Variants in KCNT2 observed in about 807,000 individuals in gnomAD.
KCNT2 encodes the protein potassium sodium-activated channel subfamily T member 2.
Under a neutral mutation model 153.8 loss-of-function variants are expected in KCNT2, and 67 were observed. That is an observed-to-expected ratio of 0.44 (90% CI 0.36 to 0.53). The LOEUF is 0.53. Ranked by LOEUF, KCNT2 falls within the 20% of genes least tolerant of loss-of-function variation. The probability of loss-of-function intolerance (pLI) is 0.00; values close to 1 mark genes in which losing one functional copy is unlikely to be tolerated. For synonymous variants in KCNT2, 500 were observed against 458.8 expected (o/e 1.09, Z -1.15); for missense variants, 975 against 1,354.8 (o/e 0.72, Z 4.40).
chr1:196,462,467 T>C (rs921113547), intron 8 of KCNT2, among the ~76,000 whole-genome samples: 4 of 151,766 alleles, frequency 2.6e-5, no homozygotes, highest in Non-Finnish European at 5.9e-5. Context: ...TCTGTTAATA[T>C]ATTTTAGGCA....
At chr1:196,457,653 G>A (rs750635866) in intron 8 of KCNT2, among the ~76,000 whole-genome samples, 4 of 151,906 alleles carry the variant, frequency 2.6e-5, no homozygotes, top group Admixed American at 6.6e-5. Context: ...TAGATAGCAC[G>A]CACTTGGTAA....
At chr1:196,402,480 A>T (rs1558247202) in intron 12 of KCNT2, among the ~76,000 whole-genome samples, 1 of 151,620 alleles carries the variant, frequency 6.6e-6, no homozygotes, top group Non-Finnish European at 1.5e-5. Flanking sequence ...ATGAAGCAGT[A>T]AGAATGTGTA....
At chr1:196,394,152 G>C (rs1670722757) in intron 13 of KCNT2, among the ~76,000 whole-genome samples, 1 of 151,524 alleles carries the variant, frequency 6.6e-6, no homozygotes, top group African/African-American at 2.4e-5. Flanking sequence ...TTTGTATCCT[G>C]GTAAAAGAAA....
chr1:196,260,720 A>C (rs1219122415), intron 25 of KCNT2, among the ~76,000 whole-genome samples: 2 of 151,846 alleles, frequency 1.3e-5, no homozygotes, highest in Non-Finnish European at 3.0e-5. Context: ...GGACATAATA[A>C]AAAGTACATT....
chr1:196,558,626 G>C (rs527790612), intron 1 of KCNT2, among the ~76,000 whole-genome samples: 2 of 151,440 alleles, frequency 1.3e-5, no homozygotes, highest in Non-Finnish European at 3.0e-5. Context: ...GTGAGCTTAG[G>C]GTAAGAAGAC....
At chr1:196,359,743 T>C (rs1414318851) in intron 14 of KCNT2, among the ~76,000 whole-genome samples, 1 of 151,900 alleles carries the variant, frequency 6.6e-6, no homozygotes, top group Non-Finnish European at 1.5e-5. Context: ...CATGAAGAGA[T>C]AGAATTTTTG....
At position 196,280,840 on chromosome 1, in the gene KCNT2, A is replaced by C. The variant is rs778677846; in HGVS notation, c.2910+20T>G. The C allele has an allele frequency of 5.0e-5, 80 of 1,604,518 alleles. No individual in the cohort carries two copies. Among genetic ancestry groups the C allele is most frequent in the Middle Eastern group, 1.7e-4 (1 of 6,008 alleles). On this transcript the variant is annotated intron_variant, in intron 25 of 27. Transcript: ENST00000294725. ...CATCAGATTAAACATCAAAACAAGAATATTTTGTTATTTCCAAACCTCAGA... is the reference window on the plus strand; with the variant it reads ...CATCAGATTAAACATCAAAACAAGACTATTTTGTTATTTCCAAACCTCAGA...
intron 25 of KCNT2, among the ~76,000 whole-genome samples, chr1:196,277,807 T>C (rs765792825): frequency 6.6e-6 from 1 of 152,134 alleles, no homozygotes; most frequent in Non-Finnish European, 1.5e-5. Context: ...TTTATTTTGT[T>C]AGATCCACTA....
intron 13 of KCNT2, among the ~76,000 whole-genome samples, chr1:196,397,279 C>T (rs1027572309): frequency 6.6e-6 from 1 of 151,360 alleles, no homozygotes; most frequent in Non-Finnish European, 1.5e-5. Flanking sequence ...AAAAATATTT[C>T]TTTTCTTAAA....
intron 17 of KCNT2, 48 bp from the exon 18 acceptor site, chr1:196,331,309 G>T (rs761413771): frequency 1.1e-6 from 1 of 924,166 alleles, no homozygotes; most frequent in South Asian, 1.3e-5. Flanking sequence ...ATGCAAATTT[G>T]AGAAATTAAG....
chr1:196,538,980 A>G (rs570069867), intron 1 of KCNT2, among the ~76,000 whole-genome samples: 1 of 152,216 alleles, frequency 6.6e-6, no homozygotes, highest in African/African-American at 2.4e-5. Flanking sequence ...TTTAAAAATA[A>G]CATTACCCTC....
chr1:196,248,329 A>G lies in KCNT2; in HGVS notation c.3211+9865T>C, dbSNP rs567995776. On this transcript the variant is annotated intron_variant, in intron 26 of 27. Coordinates refer to ENST00000294725, the MANE Select transcript of KCNT2 (RefSeq NM_198503.5). Reference sequence around the variant, plus strand: ...AGAAATAAATGACATTGAAATGAAGAAAAAAATACAAAAGATCAACAAAAG... The same window carrying G: ...AGAAATAAATGACATTGAAATGAAGGAAAAAATACAAAAGATCAACAAAAG... Among the ~76,000 whole-genome samples, 6 of 152,168 alleles carry G rather than the reference A, an allele frequency of 3.9e-5. No homozygotes were observed. The South Asian group carries it at 1.0e-3, about 26-fold the overall frequency.
chr1:196,254,328 A>G (rs1656268616), intron 26 of KCNT2, among the ~76,000 whole-genome samples: 1 of 151,474 alleles, frequency 6.6e-6, no homozygotes, highest in African/African-American at 2.4e-5. Context: ...GGGAAAATAC[A>G]CACACACTCA....
intron 21 of KCNT2, among the ~76,000 whole-genome samples, chr1:196,309,400 G>C (rs1374684521): frequency 6.6e-6 from 1 of 151,840 alleles, no homozygotes; most frequent in African/African-American, 2.4e-5. Flanking sequence ...AGTATTTGGG[G>C]TCTTAATAAA....
intron 1 of KCNT2, among the ~76,000 whole-genome samples, chr1:196,523,176 T>TA (rs1653706484): frequency 6.6e-6 from 1 of 151,980 alleles, no homozygotes; most frequent in Non-Finnish European, 1.5e-5. Context: ...TTAAGAGCTA[T>TA]AACACACACT....
At chr1:196,548,597 C>T (rs1043418926) in intron 1 of KCNT2, among the ~76,000 whole-genome samples, 3 of 151,918 alleles carry the variant, frequency 2.0e-5, no homozygotes, top group Non-Finnish European at 4.4e-5. Context: ...GTCAGTGTGG[C>T]GATTCCTCAG....
intron 14 of KCNT2, among the ~76,000 whole-genome samples, chr1:196,368,556 T>A (rs1421053054): frequency 1.3e-5 from 2 of 152,174 alleles, no homozygotes; most frequent in Admixed American, 6.6e-5. Context: ...TTGTAGAAAT[T>A]GTTTTTTCAG....
chr1:196,411,482 T>C (rs1375292695), intron 12 of KCNT2, among the ~76,000 whole-genome samples: 1 of 148,138 alleles, frequency 6.8e-6, no homozygotes, highest in Admixed American at 6.8e-5. Context: ...GCCAGTGAGA[T>C]TCTGATGGAA....
chr1:196,242,070 CA>C (rs1444247293), intron 26 of KCNT2, among the ~76,000 whole-genome samples: 1 of 152,010 alleles, frequency 6.6e-6, no homozygotes, highest in African/African-American at 2.4e-5. Flanking sequence ...CTTACCCTAC[CA>C]CAATCTTCAA....
Sources: gnomAD v4.1 joint callset for allele counts (sites outside exome capture counted in the v4.1 genomes callset) on GRCh38, gnomAD v4.1.1 for gene constraint, MANE v1.5 for transcripts, NCBI Gene and HGNC (gene_info 2026-07-23, HGNC 2026-07-21) for gene names.